HERC3: variants seen among roughly 807,000 people sequenced by gnomAD.
HERC3 encodes the protein probable E3 ubiquitin-protein ligase HERC3.
Under a neutral mutation model 129.9 loss-of-function variants are expected in HERC3, and 58 were observed. That is an observed-to-expected ratio of 0.45 (90% CI 0.36 to 0.56). The LOEUF (loss-of-function observed/expected upper bound fraction) is 0.56, where lower values mean the gene tolerates loss of function less well. Among genes scored for constraint, HERC3 ranks in the 20% least tolerant of loss-of-function variants. The pLI is 0.00. For missense variants in HERC3, 835 were observed against 1,244.2 expected (o/e 0.67, Z 4.95); for synonymous variants, 430 against 451.0 (o/e 0.95, Z 0.59).
intron 23 of HERC3, among the ~76,000 whole-genome samples, chr4:88,700,615 G>C (rs1735232377): frequency 6.6e-6 from 1 of 152,074 alleles, no homozygotes; most frequent in African/African-American, 2.4e-5. Flanking sequence ...TTAGGTATTT[G>C]CTGTTGTAGT....
At chr4:88,632,207 AG>A (rs1726851563) in intron 3 of HERC3, among the ~76,000 whole-genome samples, 1 of 152,226 alleles carries the variant, frequency 6.6e-6, no homozygotes, top group Non-Finnish European at 1.5e-5. Flanking sequence ...TATTCTACTT[AG>A]CATATAAATG....
At chr4:88,694,270 A>G (rs1210678903) in intron 23 of HERC3, among the ~76,000 whole-genome samples, 4 of 152,204 alleles carry the variant, frequency 2.6e-5, no homozygotes. Context: ...TCCTCTTTTT[A>G]GAGACTCTGC....
rs552484105 is a variant in HERC3 at position 88,621,139 on chromosome 4, G to T, written c.226+15090G>T. Among the ~76,000 whole-genome samples the T allele has an allele frequency of 4.6e-5, 7 of 151,964 alleles. No homozygotes were observed. In the East Asian group the frequency reaches 1.4e-3, roughly 29 times the overall value. On this transcript the variant is annotated intron_variant, in intron 3 of 25. Coordinates refer to ENST00000402738, the MANE Select transcript of HERC3 (RefSeq NM_014606.3). Reference sequence around the variant, plus strand: ...AGTTTTTTTTTTGAGTCGGAGTCTCGCTCTGTCACCCAGCTGGAGTGCAGT... The same window carrying T: ...AGTTTTTTTTTTGAGTCGGAGTCTCTCTCTGTCACCCAGCTGGAGTGCAGT...
chr4:88,592,715 G>A (rs954847201), intron 1 of HERC3, 141 bp downstream of exon 1: 2 of 152,748 alleles, frequency 1.3e-5, no homozygotes, highest in African/African-American at 4.8e-5. Context: ...CTCCGGCGGC[G>A]GGGGCTGCAG....
the HERC3 span, among the ~76,000 whole-genome samples, chr4:88,533,102 C>T: frequency 6.6e-6 from 1 of 152,232 alleles, no homozygotes; most frequent in Non-Finnish European, 1.5e-5. Flanking sequence ...GCCGGAGAAT[C>T]CCTGGCGATC....
chr4:88,625,129 G>A (rs1463204749), intron 3 of HERC3, among the ~76,000 whole-genome samples: 1 of 152,120 alleles, frequency 6.6e-6, no homozygotes, highest in Non-Finnish European at 1.5e-5. Context: ...GTTGCAGATA[G>A]TATAAATTCT....
At chr4:88,574,708 T>G in the HERC3 span, among the ~76,000 whole-genome samples, 1 of 152,260 alleles carries the variant, frequency 6.6e-6, no homozygotes, top group Non-Finnish European at 1.5e-5. Flanking sequence ...CACTTTAGCA[T>G]AATGTCCTCA....
At chr4:88,634,518 G>A (rs575421543) in intron 3 of HERC3, among the ~76,000 whole-genome samples, 16 of 152,180 alleles carry the variant, frequency 1.1e-4, no homozygotes, top group Non-Finnish European at 2.1e-4. Context: ...GGGGAGGGAT[G>A]GCCGTAGTCT....
chr4:88,681,574 T>C (rs1275130953), intron 21 of HERC3, among the ~76,000 whole-genome samples: 1 of 152,194 alleles, frequency 6.6e-6, no homozygotes, highest in East Asian at 1.9e-4. Context: ...AAAATCCACA[T>C]GTGCTCAAGT....
chr4:88,623,905 A>T (rs1244936901), intron 3 of HERC3, among the ~76,000 whole-genome samples: 1 of 152,198 alleles, frequency 6.6e-6, no homozygotes, highest in African/African-American at 2.4e-5. Flanking sequence ...TCATGATAGC[A>T]TTTCCATCAC....
At chr4:88,656,614 G>T (rs1211535040) in intron 9 of HERC3, 1 of 152,502 alleles carries the variant, frequency 6.6e-6, no homozygotes, top group Non-Finnish European at 1.5e-5. Flanking sequence ...CCAACATTGG[G>T]ATTACTGCAA....
At chr4:88,635,679 CA>C (rs1727301124) in intron 3 of HERC3, among the ~76,000 whole-genome samples, 1 of 152,016 alleles carries the variant, frequency 6.6e-6, no homozygotes, top group Non-Finnish European at 1.5e-5. Flanking sequence ...ATGAGAAGAT[CA>C]ACTCTAAGGC....
chr4:88,642,330 T>C (rs1273505480), intron 3 of HERC3, among the ~76,000 whole-genome samples: 2 of 152,158 alleles, frequency 1.3e-5, no homozygotes, highest in Non-Finnish European at 2.9e-5. Flanking sequence ...AATTTGACAT[T>C]ATGCAGCATC....
At chr4:88,568,230 G>T in the HERC3 span, among the ~76,000 whole-genome samples, 1 of 152,348 alleles carries the variant, frequency 6.6e-6, no homozygotes, top group East Asian at 1.9e-4. Flanking sequence ...CAGACCTGAA[G>T]CCAGCACAGC....
chr4:88,607,123 T>G (rs1360996115), intron 3 of HERC3, among the ~76,000 whole-genome samples: 2 of 151,550 alleles, frequency 1.3e-5, no homozygotes, highest in Admixed American at 1.3e-4. Context: ...ACACCAGAGG[T>G]GTAGGGGAGG....
the HERC3 span, among the ~76,000 whole-genome samples, chr4:88,572,296 C>T: frequency 6.6e-6 from 1 of 152,080 alleles, no homozygotes; most frequent in Non-Finnish European, 1.5e-5. Flanking sequence ...GGTGTGGTGG[C>T]ACCCACCTGT....
At chr4:88,604,265 C>T (rs1291617315) in intron 2 of HERC3, among the ~76,000 whole-genome samples, 6 of 152,162 alleles carry the variant, frequency 3.9e-5, no homozygotes, top group African/African-American at 7.2e-5. Context: ...GTGGTCCGCC[C>T]GCCTTGACCT....
At chr4:88,537,685 T>C in the HERC3 span, among the ~76,000 whole-genome samples, 1 of 152,196 alleles carries the variant, frequency 6.6e-6, no homozygotes, top group South Asian at 2.1e-4. Context: ...ATAGAAATTG[T>C]TTAGCTGTGT....
chr4:88,581,561 C>G, the HERC3 span, among the ~76,000 whole-genome samples: 4 of 151,980 alleles, frequency 2.6e-5, no homozygotes, highest in Admixed American at 2.6e-4. Flanking sequence ...TCACCTTGGC[C>G]TCCTAAAGTA....
Sources: gnomAD v4.1 joint callset for allele counts (sites outside exome capture counted in the v4.1 genomes callset) on GRCh38, gnomAD v4.1.1 for gene constraint, MANE v1.5 for transcripts, NCBI Gene and HGNC (gene_info 2026-07-23, HGNC 2026-07-21) for gene names.